The following TMCO5A variants were observed in gnomAD, a reference collection of about 807,000 sequenced individuals.
The protein encoded by TMCO5A is transmembrane and coiled-coil domain-containing protein 5A.
In TMCO5A, 34 loss-of-function variants were observed where a neutral mutation model predicts 42.3. That is an observed-to-expected ratio of 0.80 (90% CI 0.61 to 1.07). TMCO5A has a LOEUF of 1.07. TMCO5A is among the 50% of genes least tolerant of loss of function. TMCO5A has a pLI of 0.00. For missense variants in TMCO5A, 357 were observed against 327.9 expected, an observed-to-expected ratio of 1.09 and a Z score of -0.69; for synonymous variants, 131 against 115.6, an observed-to-expected ratio of 1.13 and a Z score of -0.86.
intron 10 of TMCO5A, 76 bp downstream of exon 10, chr15:37,943,474 A>C (rs1889826178): frequency 1.4e-6 from 2 of 1,438,106 alleles, no homozygotes; most frequent in Non-Finnish European, 1.9e-6. Context: ...ACTATAAGGC[A>C]CCAAATATAT....
At chr15:37,960,239 C>T (rs552003608) in intron 11 of TMCO5A, among the ~76,000 whole-genome samples, 4 of 151,880 alleles carry the variant, frequency 2.6e-5, no homozygotes, top group Admixed American at 1.3e-4. Context: ...TATGCCTTTG[C>T]GTCCTCATAG....
chr15:37,999,879 T>G, the TMCO5A span, among the ~76,000 whole-genome samples: 1 of 152,222 alleles, frequency 6.6e-6, no homozygotes, highest in Non-Finnish European at 1.5e-5. Context: ...AAATCCCACT[T>G]GGTCATACTG....
the TMCO5A span, among the ~76,000 whole-genome samples, chr15:37,992,923 A>G: frequency 6.6e-6 from 1 of 152,196 alleles, no homozygotes; most frequent in Non-Finnish European, 1.5e-5. Context: ...CTGGGTGATA[A>G]AATAATCTGT....
intron 11 of TMCO5A, among the ~76,000 whole-genome samples, chr15:37,949,634 T>C (rs1890089473): frequency 6.6e-6 from 1 of 151,994 alleles, no homozygotes; most frequent in South Asian, 2.1e-4. Flanking sequence ...AAAAAATGGT[T>C]ATCTGTATGA....
the TMCO5A span, among the ~76,000 whole-genome samples, chr15:38,003,222 G>GTCTC: frequency 2.0e-4 from 29 of 147,158 alleles, 1 homozygote; most frequent in East Asian, 4.7e-3. Flanking sequence ...CCCAAACAGA[G>GTCTC]TCTCTCTCTC....
At chr15:38,023,526 G>A in the TMCO5A span, among the ~76,000 whole-genome samples, 34 of 152,214 alleles carry the variant, frequency 2.2e-4, no homozygotes, top group Middle Eastern at 3.2e-3. Context: ...GGACTGGGAT[G>A]AAGTTGCAGG....
intron 3 of TMCO5A, 80 bp from the exon 4 acceptor site, chr15:37,936,767 C>G: frequency 1.9e-6 from 3 of 1,576,870 alleles, no homozygotes; most frequent in Middle Eastern, 1.8e-4. Context: ...CCTGAAGTTC[C>G]CTTATATCTG....
the TMCO5A span, among the ~76,000 whole-genome samples, chr15:37,984,540 T>G: frequency 2.6e-5 from 4 of 152,212 alleles, no homozygotes; most frequent in African/African-American, 9.6e-5. Flanking sequence ...TGCTTCTTGT[T>G]GACTGGTTGT....
chr15:38,026,572 A>G, the TMCO5A span, among the ~76,000 whole-genome samples: 5 of 152,348 alleles, frequency 3.3e-5, no homozygotes, highest in South Asian at 1.0e-3. Context: ...AGAAAACTTC[A>G]TTTCTGAGGA....
chr15:38,029,705 T>C, the TMCO5A span, among the ~76,000 whole-genome samples: 3 of 152,132 alleles, frequency 2.0e-5, no homozygotes, highest in Non-Finnish European at 2.9e-5. Context: ...CTGCCTTGGT[T>C]TCCCAAAGTA....
chr15:38,019,181 CA>C, the TMCO5A span, among the ~76,000 whole-genome samples: 1 of 152,100 alleles, frequency 6.6e-6, no homozygotes, highest in African/African-American at 2.4e-5. Flanking sequence ...GCAAAGAAAT[CA>C]GTAAAATCCT....
downstream of TMCO5A, among the ~76,000 whole-genome samples, chr15:37,970,060 A>T (rs1270944384): frequency 1.3e-5 from 2 of 152,080 alleles, no homozygotes; most frequent in African/African-American, 4.8e-5. Context: ...TGCTGGGTTG[A>T]ATGGTTAATT....
At chr15:38,031,959 CTT>C in the TMCO5A span, among the ~76,000 whole-genome samples, 18 of 142,098 alleles carry the variant, frequency 1.3e-4, no homozygotes, top group Admixed American at 1.4e-4. Context: ...AGGACAATTG[CTT>C]TTTTTTTTTT....
the TMCO5A span, among the ~76,000 whole-genome samples, chr15:38,008,085 TG>T: frequency 1.3e-5 from 2 of 151,428 alleles, no homozygotes; most frequent in East Asian, 3.9e-4. Flanking sequence ...TTAGTAGAGA[TG>T]GGGTTTCACC....
intron 6 of TMCO5A, among the ~76,000 whole-genome samples, chr15:37,939,139 T>G (rs2140260601): frequency 6.6e-6 from 1 of 152,248 alleles, no homozygotes; most frequent in South Asian, 2.1e-4. Context: ...TTCTCTAGAA[T>G]TACATCTTTG....
chr15:37,997,824 A>G, the TMCO5A span, among the ~76,000 whole-genome samples: 1 of 152,220 alleles, frequency 6.6e-6, no homozygotes, highest in African/African-American at 2.4e-5. Context: ...ACACATTCAC[A>G]CCAACAGTGT....
the TMCO5A span, among the ~76,000 whole-genome samples, chr15:38,005,764 G>A: frequency 6.6e-6 from 1 of 152,148 alleles, no homozygotes; most frequent in Non-Finnish European, 1.5e-5. Context: ...CTCAGCTTCT[G>A]ATTTATAAGA....
chr15:38,039,524 C>T, the TMCO5A span, among the ~76,000 whole-genome samples: 1 of 152,130 alleles, frequency 6.6e-6, no homozygotes, highest in Non-Finnish European at 1.5e-5. Flanking sequence ...TGTAGAGACT[C>T]CTATATGAGT....
intron 5 of TMCO5A, 130 bp downstream of exon 5, chr15:37,937,526 T>G (rs961118910): frequency 3.4e-6 from 3 of 894,488 alleles, no homozygotes; most frequent in African/African-American, 3.3e-5. Context: ...TGCATATTAC[T>G]CTCTAATCCA....
Sources: allele counts gnomAD v4.1 joint callset (sites outside exome capture counted in the v4.1 genomes callset), GRCh38; gene constraint gnomAD v4.1.1; transcripts MANE v1.5; gene names NCBI Gene and HGNC (gene_info 2026-07-23, HGNC 2026-07-21).